EHMT1: variants seen among roughly 807,000 people sequenced by gnomAD.
The protein encoded by EHMT1 is histone-lysine N-methyltransferase EHMT1.
EHMT1 carries 15 observed loss-of-function variants against 147.2 expected under a neutral mutation model. The ratio of observed to expected loss-of-function variants is 0.10; its 90% confidence interval spans 0.07 to 0.16. The LOEUF is 0.16. Among genes scored for constraint, EHMT1 ranks in the 10% least tolerant of loss-of-function variants. EHMT1 has a pLI of 1.00. For synonymous variants in EHMT1, 795 were observed against 709.6 expected (o/e 1.12, Z -1.91); for missense variants, 1,587 against 1,772.4 (o/e 0.90, Z 1.88).
At chr9:137,697,686 T>C (rs1323107093) in intron 1 of EHMT1, among the ~76,000 whole-genome samples, 1 of 152,242 alleles carries the variant, frequency 6.6e-6, no homozygotes, top group Non-Finnish European at 1.5e-5. Flanking sequence ...AAGTAGTTTT[T>C]ATTCTTGCAT....
chr9:137,717,731 C>T (rs948893705), intron 3 of EHMT1, among the ~76,000 whole-genome samples: 2 of 152,136 alleles, frequency 1.3e-5, no homozygotes, highest in African/African-American at 4.8e-5. Context: ...CTGTTGCTCT[C>T]TGTAGAAACG....
chr9:137,759,245 C>A (rs533513834), intron 9 of EHMT1, among the ~76,000 whole-genome samples: 42 of 152,246 alleles, frequency 2.8e-4, no homozygotes, highest in Non-Finnish European at 4.9e-4. Flanking sequence ...GCAGAACCCC[C>A]TCAAGCATCA....
At chr9:137,748,720 A>G (rs1002677715) in intron 6 of EHMT1, among the ~76,000 whole-genome samples, 1 of 152,216 alleles carries the variant, frequency 6.6e-6, no homozygotes, top group African/African-American at 2.4e-5. Flanking sequence ...ACTTTTTCAC[A>G]TACTTACTTT....
rs1954682338 is a variant in EHMT1, at chr9:137,813,734, C to G, written c.3180+204C>G. ...GTTCTGTCAGGCCCAGCCCTGGGCC[C>G]TCTCATTGCTCTTCCAAGGCTTCTT... On this transcript the variant is annotated intron_variant, in intron 21 of 26. Coordinates refer to ENST00000460843, the MANE Select transcript of EHMT1 (RefSeq NM_024757.5). This position sits in a 1 kb window ranked among gnomAD's most constrained non-coding sequence, Gnocchi z 4.9. Among the ~76,000 whole-genome samples, 5 of 152,214 alleles carry G rather than the reference C, an allele frequency of 3.3e-5. No individual in the cohort carries two copies. The highest frequency in any genetic ancestry group is 2.6e-4 in the Admixed American group (4 of 15,284).
chr9:137,762,924 C>A (rs932892724), intron 10 of EHMT1, 104 bp downstream of exon 10: 5 of 1,505,918 alleles, frequency 3.3e-6, no homozygotes, highest in East Asian at 2.3e-5. Context: ...GCTGCGTGAC[C>A]AGGGCGGGAG....
Position 137,725,532 on chromosome 9 carries a change from G to A in EHMT1, c.643-2817G>A, listed in dbSNP as rs186787385. Among the ~76,000 whole-genome samples, 14 of 152,296 alleles carry A rather than the reference G, an allele frequency of 9.2e-5. No homozygotes were observed. In the East Asian group the frequency reaches 2.5e-3, roughly 27 times the overall value. ...GCTGGACAGGTCTCCACAGGGAGAAGCAACAAAAAACTCCAGGGAGCTGTG... is the reference window on the plus strand; with the variant it reads ...GCTGGACAGGTCTCCACAGGGAGAAACAACAAAAAACTCCAGGGAGCTGTG... On this transcript the variant is annotated intron_variant, in intron 3 of 26. Coordinates refer to ENST00000460843, the MANE Select transcript of EHMT1 (RefSeq NM_024757.5).
intron 17 of EHMT1, among the ~76,000 whole-genome samples, chr9:137,800,176 T>C (rs1245100720): frequency 1.3e-5 from 2 of 152,194 alleles, no homozygotes; most frequent in Non-Finnish European, 2.9e-5. Context: ...GTCTTCTGCC[T>C]TCAGAGTAGG....
chr9:137,804,925 CA>C (rs1228581896), intron 18 of EHMT1, among the ~76,000 whole-genome samples: 2 of 152,302 alleles, frequency 1.3e-5, no homozygotes, highest in East Asian at 3.9e-4. Context: ...ATGTGTCAGT[CA>C]TTTGCATGTC....
At chr9:137,622,205 G>A (rs1247207624) in intron 1 of EHMT1, among the ~76,000 whole-genome samples, 3 of 146,318 alleles carry the variant, frequency 2.1e-5, no homozygotes, top group African/African-American at 7.6e-5. Flanking sequence ...TGCAGCCTCC[G>A]CCTCCCGGAT....
At chr9:137,701,594 G>A (rs1363573251) in intron 1 of EHMT1, among the ~76,000 whole-genome samples, 2 of 150,254 alleles carry the variant, frequency 1.3e-5, no homozygotes, top group East Asian at 3.9e-4. Flanking sequence ...GAGTAGCTGG[G>A]ATTACAGGTG....
intron 4 of EHMT1, chr9:137,743,126 T>G: frequency 2.1e-6 from 1 of 473,644 alleles, no homozygotes. Flanking sequence ...TTGCTCCGTG[T>G]TTTGTTGTGA....
chr9:137,835,649 T>G lies in EHMT1; in HGVS notation c.*696T>G, dbSNP rs1002965036. The G allele has an allele frequency of 6.5e-6, 1 of 152,698 alleles. No individual in the cohort carries two copies. The highest frequency in any genetic ancestry group is 1.5e-5 in the Non-Finnish European group (1 of 68,050). The allele number at this position is 152,698 out of a possible 1,614,324, so 9.5% of individuals were successfully genotyped here. On this transcript the variant is annotated 3_prime_UTR_variant, in exon 27 of 27. Coordinates refer to ENST00000460843, the MANE Select transcript of EHMT1 (RefSeq NM_024757.5). The stretch of plus-strand genomic sequence containing the variant: ...TGACGCTGGCACCTTCTGTTGATTT[T>G]TTAAGCCACATGCTATGATGAATAA...
At chr9:137,737,934 C>T (rs1181301665) in intron 4 of EHMT1, among the ~76,000 whole-genome samples, 3 of 152,230 alleles carry the variant, frequency 2.0e-5, no homozygotes, top group Non-Finnish European at 4.4e-5. Context: ...TGGCTTGCGC[C>T]TGTAATCTCA....
At chr9:137,788,183 C>T (rs552123823) in intron 15 of EHMT1, 10 of 704,368 alleles carry the variant, frequency 1.4e-5, no homozygotes, top group South Asian at 1.2e-4. Flanking sequence ...TACCTGCCTG[C>T]AGAAGCTGGG....
chr9:137,656,347 TC>T (rs1938445438), intron 1 of EHMT1, among the ~76,000 whole-genome samples: 1 of 152,086 alleles, frequency 6.6e-6, no homozygotes, highest in Non-Finnish European at 1.5e-5. Flanking sequence ...ACCATTGCAC[TC>T]CAGCCTGGGT....
At position 137,743,359 on chromosome 9, in the gene EHMT1, T is replaced by A; in HGVS notation, c.824-12T>A. ...TTTCTTGTCCCCTTTTGACTTTTTTTTTTTTTTTTAGCTTGCTTGCCTTTT... is the reference window on the plus strand; with the variant it reads ...TTTCTTGTCCCCTTTTGACTTTTTTATTTTTTTTTAGCTTGCTTGCCTTTT... On this transcript the variant is annotated splice_polypyrimidine_tract_variant and intron_variant, in intron 4 of 26. Transcript: ENST00000460843. 1 of 1,566,100 alleles carries A rather than the reference T, an allele frequency of 6.4e-7. No individual in the cohort carries two copies. Among genetic ancestry groups the A allele is most frequent in the Non-Finnish European group, 8.6e-7 (1 of 1,162,694 alleles).
intron 25 of EHMT1, among the ~76,000 whole-genome samples, chr9:137,833,845 C>T (rs1300995173): frequency 1.3e-5 from 2 of 152,252 alleles, no homozygotes; most frequent in Admixed American, 1.3e-4. Flanking sequence ...TCCCTGGTGC[C>T]ATTCGCCACT....
chr9:137,833,128 G>C (rs1244358442), intron 25 of EHMT1, among the ~76,000 whole-genome samples: 3 of 152,178 alleles, frequency 2.0e-5, no homozygotes, highest in African/African-American at 4.8e-5. Flanking sequence ...CCGCTTGTTG[G>C]TTTGGGTTTT....
intron 1 of EHMT1, among the ~76,000 whole-genome samples, chr9:137,704,069 A>G (rs777397736): frequency 6.6e-6 from 1 of 152,182 alleles, no homozygotes; most frequent in Non-Finnish European, 1.5e-5. Context: ...CAAAGGGGGA[A>G]GTGCCACACA....
Sources: gnomAD v4.1 joint callset for allele counts (sites outside exome capture counted in the v4.1 genomes callset) on GRCh38, gnomAD v4.1.1 for gene constraint, Gnocchi (gnomAD v3.1) non-coding constraint, MANE v1.5 for transcripts, NCBI Gene and HGNC (gene_info 2026-07-23, HGNC 2026-07-21) for gene names.